The following SPTLC3 variants were observed in gnomAD, a reference collection of about 807,000 sequenced individuals.
SPTLC3 encodes the protein serine palmitoyltransferase 3.
SPTLC3 carries 36 observed loss-of-function variants against 59.3 expected under a neutral mutation model. The ratio of observed to expected loss-of-function variants is 0.61; its 90% CI spans 0.47 to 0.80. The LOEUF (loss-of-function observed/expected upper bound fraction) is 0.80, where lower values mean the gene tolerates loss of function less well. Among genes scored for constraint, SPTLC3 ranks in the 30% least tolerant of loss-of-function variants. The pLI is 0.00. For missense variants in SPTLC3, 625 were observed against 685.1 expected, an observed-to-expected ratio of 0.91 and a Z score of 0.98; for synonymous variants, 257 against 240.8, an observed-to-expected ratio of 1.07 and a Z score of -0.62.
At chr20:13,060,500 T>C (rs1335280335) in intron 2 of SPTLC3, among the ~76,000 whole-genome samples, 6 of 152,108 alleles carry the variant, frequency 3.9e-5, no homozygotes, top group East Asian at 1.9e-4. Flanking sequence ...TTTTGTTACA[T>C]AGATATATTG....
intron 8 of SPTLC3, among the ~76,000 whole-genome samples, chr20:13,119,602 G>A (rs1000019462): frequency 4.6e-5 from 7 of 152,056 alleles, no homozygotes; most frequent in Admixed American, 2.6e-4. Context: ...ACAGAGGGTC[G>A]CATTGTTCAT....
At chr20:13,015,407 C>T (rs994907830) in intron 1 of SPTLC3, among the ~76,000 whole-genome samples, 2 of 151,512 alleles carry the variant, frequency 1.3e-5, no homozygotes, top group African/African-American at 2.4e-5. Context: ...TACAATAGCA[C>T]CAGAAACATG....
Position 13,137,587 on chromosome 20 carries a change from C to T in SPTLC3, c.1279+10870C>T, listed in dbSNP as rs2038277665. On this transcript the variant is annotated intron_variant, in intron 9 of 11. Transcript: ENST00000399002. ...CTTCATTGTGAAGTCCCTGTTTCTG[C>T]TGAGAACATCAGAGAGGCTAAAGAT... 2.0e-5 allele frequency among the ~76,000 whole-genome samples: 3 copies of T among 152,086 alleles called. No homozygotes were observed. In the South Asian group the frequency reaches 6.2e-4, roughly 32 times the overall value.
At chr20:13,088,029 C>G (rs1210468637) in intron 4 of SPTLC3, among the ~76,000 whole-genome samples, 1 of 152,206 alleles carries the variant, frequency 6.6e-6, no homozygotes, top group Non-Finnish European at 1.5e-5. Context: ...AGAGTCCACA[C>G]AGCTGGTAAT....
At chr20:13,056,395 T>G (rs186302678) in intron 2 of SPTLC3, among the ~76,000 whole-genome samples, 10 of 152,178 alleles carry the variant, frequency 6.6e-5, no homozygotes, top group Non-Finnish European at 2.9e-5. Flanking sequence ...CTGCAGTCAC[T>G]ATCTTTCTGA....
At chr20:13,020,329 T>A (rs1985805138) in intron 1 of SPTLC3, among the ~76,000 whole-genome samples, 1 of 146,068 alleles carries the variant, frequency 6.8e-6, no homozygotes, top group Non-Finnish European at 1.5e-5. Context: ...CTGGGAAACA[T>A]GGCAAGACCC....
At chr20:13,083,622 G>T (rs936547875) in intron 4 of SPTLC3, among the ~76,000 whole-genome samples, 1 of 152,140 alleles carries the variant, frequency 6.6e-6, no homozygotes, top group African/African-American at 2.4e-5. Flanking sequence ...AGGTCACATA[G>T]TTAATGAATG....
rs760486509 is a variant in SPTLC3, at chr20:13,074,334, C to A, written c.459-15C>A. 6.2e-6 allele frequency: 10 copies of A among 1,612,592 alleles called. No homozygotes were observed. In the Admixed American group the frequency reaches 1.7e-4, roughly 27 times the overall value. ...GGGGAGGGGATTATGTGCTCATTTACATGTTTCCCCACAGGTTTACTGGAA... is the reference window on the plus strand; with the variant it reads ...GGGGAGGGGATTATGTGCTCATTTAAATGTTTCCCCACAGGTTTACTGGAA... On this transcript the variant is annotated splice_polypyrimidine_tract_variant and intron_variant, in intron 3 of 11. Transcript: ENST00000399002.
At chr20:13,163,386 A>T (rs960967618) in intron 11 of SPTLC3, among the ~76,000 whole-genome samples, 4 of 151,542 alleles carry the variant, frequency 2.6e-5, no homozygotes, top group Non-Finnish European at 5.9e-5. Flanking sequence ...AAAAAAAAAA[A>T]AAAATAGAAA....
At chr20:13,121,165 G>A (rs1434844545) in intron 8 of SPTLC3, among the ~76,000 whole-genome samples, 1 of 152,194 alleles carries the variant, frequency 6.6e-6, no homozygotes, top group African/African-American at 2.4e-5. Flanking sequence ...TGCATGCCTG[G>A]TGCCGAACAC....
At chr20:13,092,217 G>T (rs35860886) in intron 5 of SPTLC3, among the ~76,000 whole-genome samples, 2,837 of 152,330 alleles carry the variant, frequency 0.019, 42 homozygotes, top group Non-Finnish European at 0.028. Context: ...CTAGAATATG[G>T]AATGGTGGTC....
chr20:13,075,884 G>A (rs1465295473), intron 4 of SPTLC3, among the ~76,000 whole-genome samples: 1 of 152,194 alleles, frequency 6.6e-6, no homozygotes, highest in African/African-American at 2.4e-5. Flanking sequence ...GAGGCTGAAG[G>A]AAAGCTGCTT....
chr20:13,059,175 C>A (rs60559189), intron 2 of SPTLC3, among the ~76,000 whole-genome samples: 3,137 of 152,208 alleles, frequency 0.021, 120 homozygotes, highest in African/African-American at 0.073. Flanking sequence ...GAGTTAAATT[C>A]AAAAAACTAC....
intron 7 of SPTLC3, among the ~76,000 whole-genome samples, chr20:13,111,231 C>A (rs1990215734): frequency 6.6e-6 from 1 of 152,152 alleles, no homozygotes; most frequent in African/African-American, 2.4e-5. Flanking sequence ...TTTCCAGTTT[C>A]TACCAGCTCA....
At chr20:13,129,256 G>T (rs1353083793) in intron 9 of SPTLC3, among the ~76,000 whole-genome samples, 1 of 151,988 alleles carries the variant, frequency 6.6e-6, no homozygotes, top group East Asian at 1.9e-4. Flanking sequence ...CCCACCCCAG[G>T]CTCCTAAAGT....
At chr20:13,086,704 T>G (rs1322909202) in intron 4 of SPTLC3, among the ~76,000 whole-genome samples, 1 of 152,224 alleles carries the variant, frequency 6.6e-6, no homozygotes. Flanking sequence ...GAAAAAGGAC[T>G]GTGTCTGGGG....
chr20:13,151,755 C>G (rs2038653129), intron 9 of SPTLC3, among the ~76,000 whole-genome samples: 1 of 152,044 alleles, frequency 6.6e-6, no homozygotes, highest in Non-Finnish European at 1.5e-5. Context: ...AGTGATAGAG[C>G]CTAGTGAAAA....
chr20:13,021,102 T>C (rs1264110429), intron 1 of SPTLC3, among the ~76,000 whole-genome samples: 1 of 152,204 alleles, frequency 6.6e-6, no homozygotes, highest in East Asian at 1.9e-4. Flanking sequence ...TTGACCTGTC[T>C]GCAGCATTAG....
intron 8 of SPTLC3, among the ~76,000 whole-genome samples, chr20:13,121,370 GC>G (rs1383600285): frequency 3.3e-5 from 5 of 152,176 alleles, no homozygotes; most frequent in African/African-American, 1.2e-4. Context: ...AGTGAGCTCT[GC>G]CCTGCACACT....
Sources: allele counts gnomAD v4.1 joint callset (sites outside exome capture counted in the v4.1 genomes callset), GRCh38; gene constraint gnomAD v4.1.1; transcripts MANE v1.5; gene names NCBI Gene and HGNC (gene_info 2026-07-23, HGNC 2026-07-21).